Variants in CIP2A observed in about 807,000 individuals in gnomAD.
CIP2A encodes the protein protein CIP2A.
Under a neutral mutation model 110.9 loss-of-function variants are expected in CIP2A, and 103 were observed. The observed-to-expected ratio is 0.93, with a 90% confidence interval of 0.79 to 1.09. The LOEUF (loss-of-function observed/expected upper bound fraction) is 1.09, where lower values mean the gene tolerates loss of function less well. Ranked by LOEUF, CIP2A falls within the 50% of genes least tolerant of loss-of-function variation. The pLI, the probability that CIP2A is intolerant of heterozygous loss-of-function variation, is 0.00. For missense variants in CIP2A, 1,088 were observed against 1,038.4 expected (o/e 1.05, Z -0.66); for synonymous variants, 381 against 361.6 (o/e 1.05, Z -0.61).
intron 12 of CIP2A, among the ~76,000 whole-genome samples, chr3:108,564,471 A>T (rs1315768151): frequency 6.6e-6 from 1 of 151,938 alleles, no homozygotes; most frequent in Non-Finnish European, 1.5e-5. Flanking sequence ...AGTTTTTAAG[A>T]GGCTAATATT....
Position 108,579,605 on chromosome 3 carries a change from T to C in CIP2A, c.633A>G (p.Ile211Met), listed in dbSNP as rs781483389. 5.0e-6 allele frequency: 8 copies of C among 1,600,054 alleles called. No individual in the cohort carries two copies. Among genetic ancestry groups the C allele is most frequent in the South Asian group, 2.3e-5 (2 of 88,576 alleles). ...SLTVVVFALS[I>M]LSSLTLNEEV... is the part of the protein sequence containing the mutation. Reference sequence around the variant, plus strand: ...CTTCATTTAATGTCAAACTGGATAATATTGAAAGTGCAAACACAACCACAG... The same window carrying C: ...CTTCATTTAATGTCAAACTGGATAACATTGAAAGTGCAAACACAACCACAG... Residue 211 changes from isoleucine to methionine, a missense_variant, in exon 6 of 21, where the codon ATA becomes ATG. Physicochemically the swap from Ile to Met is conservative, Grantham distance 10. Coordinates refer to ENST00000295746, the MANE Select transcript of CIP2A (RefSeq NM_020890.3).
intron 2 of CIP2A, among the ~76,000 whole-genome samples, chr3:108,584,488 G>A (rs1199933208): frequency 6.6e-6 from 1 of 152,110 alleles, no homozygotes; most frequent in African/African-American, 2.4e-5. Flanking sequence ...GTCTAATTTG[G>A]TAGCCACTAG....
intron 17 of CIP2A, among the ~76,000 whole-genome samples, chr3:108,556,482 C>T (rs923271001): frequency 1.3e-5 from 2 of 152,106 alleles, no homozygotes; most frequent in African/African-American, 4.8e-5. Flanking sequence ...ACAGGTTGAG[C>T]AACACTAATT....
Position 108,569,616 on chromosome 3 carries a change from T to C in CIP2A, c.895-9A>G. On this transcript the variant is annotated splice_polypyrimidine_tract_variant and intron_variant, in intron 8 of 20. Coordinates refer to ENST00000295746, the MANE Select transcript of CIP2A (RefSeq NM_020890.3). ...AGAAGTAATTCTAAAACCTGTGCAA[T>C]ATAAAGTGTTCATTAAACATCAATT... is the stretch of plus-strand genomic sequence containing the variant. 6.2e-7 allele frequency: 1 copy of C among 1,602,114 alleles called. No individual in the cohort carries two copies. Among genetic ancestry groups the C allele is most frequent in the Non-Finnish European group, 8.5e-7 (1 of 1,170,800 alleles).
chr3:108,569,181 T>TATATATATATATATAC lies in CIP2A; in HGVS notation c.1113+207_1113+208insGTATATATATATATAT. On this transcript the variant is annotated intron_variant, in intron 9 of 20. Coordinates refer to ENST00000295746, the MANE Select transcript of CIP2A (RefSeq NM_020890.3). ...CTGAAATGAGCACTATATATATATA[T>TATATATATATATATAC]ACATACACACTACTCAGTGAAAAAA... Among the ~76,000 whole-genome samples the TATATATATATATATAC allele has an allele frequency of 2.1e-4, 12 of 58,228 alleles. 1 individual carries two copies. The highest frequency in any genetic ancestry group is 3.5e-4 in the Non-Finnish European group (9 of 25,560). 38.2% of individuals were successfully genotyped at this position (58,228 alleles called of 152,430 possible). A position where few individuals can be genotyped will look rare whatever the true frequency, so the allele number is the denominator to read the frequency against.
In CIP2A at chr3:108,554,508, G is replaced by A; in HGVS notation, c.2211-19C>T. On this transcript the variant is annotated intron_variant, in intron 17 of 20. Transcript: ENST00000295746. Reference sequence around the variant, plus strand: ...TTCATTTCTGAAAAGACAAGAAAATGAGTTGGCATCATTATGGAGGAAAAC... The same window carrying A: ...TTCATTTCTGAAAAGACAAGAAAATAAGTTGGCATCATTATGGAGGAAAAC... 1 of 1,044,284 alleles carries A rather than the reference G, an allele frequency of 9.6e-7. No homozygotes were observed. Among genetic ancestry groups the A allele is most frequent in the South Asian group, 1.4e-5 (1 of 70,042 alleles). 64.7% of individuals were successfully genotyped at this position (1,044,284 alleles called of 1,614,324 possible). A position where few individuals can be genotyped will look rare whatever the true frequency, so the allele number is the denominator to read the frequency against.
intron 19 of CIP2A, 97 bp from the exon 20 acceptor site, chr3:108,552,470 C>T (rs1937619627): frequency 1.5e-6 from 1 of 665,964 alleles, no homozygotes; most frequent in African/African-American, 1.9e-5. Context: ...AGAGAAATAA[C>T]TAGAACAAGG....
intron 9 of CIP2A, 140 bp downstream of exon 9, chr3:108,569,249 C>A (rs988658970): frequency 3.3e-6 from 2 of 597,728 alleles, no homozygotes; most frequent in Admixed American, 3.2e-5. Flanking sequence ...AAAAACCTAG[C>A]GAGTCTAGTA....
intron 17 of CIP2A, among the ~76,000 whole-genome samples, chr3:108,556,232 T>G (rs375617004): frequency 1.3e-5 from 2 of 152,196 alleles, no homozygotes; most frequent in Non-Finnish European, 2.9e-5. Context: ...AATAAGCATA[T>G]GTACCATGCC....
intron 9 of CIP2A, among the ~76,000 whole-genome samples, chr3:108,568,810 A>G (rs1288259237): frequency 6.6e-6 from 1 of 151,948 alleles, no homozygotes; most frequent in Non-Finnish European, 1.5e-5. Context: ...CTTCATACAC[A>G]TATTTGTTTG....
chr3:108,573,320 C>T (rs757895129), intron 8 of CIP2A, among the ~76,000 whole-genome samples: 3 of 151,956 alleles, frequency 2.0e-5, no homozygotes, highest in South Asian at 2.1e-4. Context: ...ACACTATACG[C>T]TATTACATAT....
intron 12 of CIP2A, among the ~76,000 whole-genome samples, chr3:108,564,654 T>C (rs899258473): frequency 6.6e-6 from 1 of 151,848 alleles, no homozygotes. Context: ...TTATTATAAT[T>C]CTATAGGAAA....
intron 17 of CIP2A, among the ~76,000 whole-genome samples, chr3:108,555,546 T>A (rs1339582359): frequency 6.6e-6 from 1 of 152,156 alleles, no homozygotes; most frequent in Non-Finnish European, 1.5e-5. Flanking sequence ...ACTGACCAGA[T>A]CCATTGACAA....
chr3:108,575,157 T>C (rs1457977157), intron 8 of CIP2A: 1 of 147,106 alleles, frequency 6.8e-6, no homozygotes, highest in African/African-American at 2.4e-5. Context: ...TACAACTATA[T>C]GAAATATGAG....
intron 19 of CIP2A, 74 bp from the exon 20 acceptor site, chr3:108,552,447 CTG>C: frequency 1.2e-6 from 1 of 868,454 alleles, no homozygotes; most frequent in Non-Finnish European, 1.7e-6. Context: ...CTAGTAGCTA[CTG>C]TAAGAGCAAA....
intron 13 of CIP2A, among the ~76,000 whole-genome samples, chr3:108,562,211 C>CAT (rs1938028687): frequency 6.6e-6 from 1 of 152,112 alleles, no homozygotes; most frequent in South Asian, 2.1e-4. Context: ...CAGTGAATAG[C>CAT]ATATAGCATG....
chr3:108,552,358 G>C lies in CIP2A; in HGVS notation c.2423C>G (p.Thr808Arg). 6.6e-7 allele frequency: 1 copy of C among 1,523,752 alleles called. No individual in the cohort carries two copies. Among genetic ancestry groups the C allele is most frequent in the Non-Finnish European group, 8.8e-7 (1 of 1,131,916 alleles). The allele number at this position is 1,523,752 out of a possible 1,614,324, so 94.4% of individuals were successfully genotyped here. Residue 808 changes from threonine to arginine, a missense_variant, in exon 20 of 21, where the codon ACA (threonine) becomes AGA (arginine). Thr to Arg is a moderately conservative substitution (Grantham distance 71). Coordinates refer to ENST00000295746, the MANE Select transcript of CIP2A (RefSeq NM_020890.3). ...EHKLANLHQKTKVQEEKIKTL... is the reference protein window; with the variant it reads ...EHKLANLHQKRKVQEEKIKTL... ...TTTAATCTTTTCTTCTTGTACTTTT[G>C]TTTTTTGATGCAAATCTTAAAAGAA...
intron 8 of CIP2A, among the ~76,000 whole-genome samples, chr3:108,570,440 T>C (rs1327941481): frequency 6.6e-6 from 1 of 152,142 alleles, no homozygotes; most frequent in Non-Finnish European, 1.5e-5. Flanking sequence ...TGTTGCTTAA[T>C]GCATCATTAA....
rs1016236117 is a variant in CIP2A at position 108,550,056 on chromosome 3, A to T, written c.*1093T>A. 2.0e-5 allele frequency: 3 copies of T among 152,132 alleles called. No homozygotes were observed. Among genetic ancestry groups the T allele is most frequent in the African/African-American group, 7.2e-5 (3 of 41,576 alleles). 9.4% of individuals were successfully genotyped at this position (152,132 alleles called of 1,614,324 possible). On this transcript the variant is annotated 3_prime_UTR_variant, in exon 21 of 21. Coordinates refer to ENST00000295746, the MANE Select transcript of CIP2A (RefSeq NM_020890.3). ...TCCAGAACTGTACAAATCTAAATTC[A>T]CTTAAATCAAACAGACATATGGTGA...
Sources: gnomAD v4.1 joint callset for allele counts (sites outside exome capture counted in the v4.1 genomes callset) on GRCh38, gnomAD v4.1.1 for gene constraint, MANE v1.5 for transcripts, NCBI Gene and HGNC (gene_info 2026-07-23, HGNC 2026-07-21) for gene names.